The following PTPRD variants were observed in gnomAD, a reference collection of about 807,000 sequenced individuals.
PTPRD encodes the protein receptor-type tyrosine-protein phosphatase delta.
Under a neutral mutation model 214.5 loss-of-function variants are expected in PTPRD, and 34 were observed. The ratio of observed to expected loss-of-function variants is 0.16; its 90% CI spans 0.12 to 0.21. The LOEUF is 0.21. Among genes scored for constraint, PTPRD ranks in the 10% least tolerant of loss-of-function variants. The probability of loss-of-function intolerance (pLI) is 1.00; values close to 1 mark genes in which losing one functional copy is unlikely to be tolerated. For synonymous variants in PTPRD, 1,128 were observed against 845.7 expected (o/e 1.33, Z -5.79); for missense variants, 2,545 against 2,398.7 (o/e 1.06, Z -1.27).
chr9:9,992,800 G>A (rs1242159741), intron 4 of PTPRD, among the ~76,000 whole-genome samples: 2 of 151,836 alleles, frequency 1.3e-5, no homozygotes, highest in Admixed American at 1.3e-4. Flanking sequence ...GGGCCTGCTG[G>A]GGGATGGGGA....
chr9:9,134,039 T>C (rs1262071363), intron 10 of PTPRD, among the ~76,000 whole-genome samples: 1 of 150,866 alleles, frequency 6.6e-6, no homozygotes, highest in Non-Finnish European at 1.5e-5. Flanking sequence ...CAGTTTCCAA[T>C]AGTTCATATA....
At chr9:8,429,747 A>C (rs1308678321) in intron 35 of PTPRD, among the ~76,000 whole-genome samples, 1 of 152,212 alleles carries the variant, frequency 6.6e-6, no homozygotes, top group African/African-American at 2.4e-5. Context: ...GAGACAGTCC[A>C]CATCCAGAGA....
At chr9:10,537,902 C>G (rs926195533) in intron 2 of PTPRD, among the ~76,000 whole-genome samples, 3 of 152,060 alleles carry the variant, frequency 2.0e-5, no homozygotes, top group African/African-American at 7.2e-5. Flanking sequence ...GTTAAGAATG[C>G]AGATTCTCAG....
At chr9:9,642,948 A>C (rs1442004312) in intron 7 of PTPRD, among the ~76,000 whole-genome samples, 1 of 152,222 alleles carries the variant, frequency 6.6e-6, no homozygotes, top group African/African-American at 2.4e-5. Flanking sequence ...AAAGTTCTTT[A>C]AACAGAATAC....
intron 5 of PTPRD, among the ~76,000 whole-genome samples, chr9:9,878,891 C>T (rs180773104): frequency 2.8e-4 from 42 of 152,252 alleles, no homozygotes; most frequent in Non-Finnish European, 4.6e-4. Flanking sequence ...CACAATCAAA[C>T]ATCAGCTATT....
intron 3 of PTPRD, among the ~76,000 whole-genome samples, chr9:10,245,390 T>C (rs2091911922): frequency 6.6e-6 from 1 of 152,184 alleles, no homozygotes; most frequent in Admixed American, 6.6e-5. Flanking sequence ...CACCATTTTA[T>C]CTATGATTTC....
intron 2 of PTPRD, among the ~76,000 whole-genome samples, chr9:10,510,607 G>A (rs529354778): frequency 1.2e-4 from 18 of 152,038 alleles, no homozygotes; most frequent in African/African-American, 4.3e-4. Flanking sequence ...ACACATTTAT[G>A]GAGTACACAT....
At chr9:9,848,355 G>C (rs930883754) in intron 5 of PTPRD, among the ~76,000 whole-genome samples, 1 of 152,082 alleles carries the variant, frequency 6.6e-6, no homozygotes, top group South Asian at 2.1e-4. Flanking sequence ...GCTTCCTGAG[G>C]GCCAGAAATG....
At chr9:10,472,791 T>C (rs960438046) in intron 2 of PTPRD, among the ~76,000 whole-genome samples, 1 of 152,028 alleles carries the variant, frequency 6.6e-6, no homozygotes, top group African/African-American at 2.4e-5. Flanking sequence ...ATATCTGATA[T>C]AGCAAACCTA....
chr9:9,668,082 A>T (rs1443375169), intron 7 of PTPRD, among the ~76,000 whole-genome samples: 9 of 152,126 alleles, frequency 5.9e-5, no homozygotes, highest in South Asian at 4.1e-4. Context: ...CCCAAACTCA[A>T]CTGATGGTTT....
At chr9:9,300,498 C>G (rs549772695) in intron 9 of PTPRD, among the ~76,000 whole-genome samples, 1 of 151,668 alleles carries the variant, frequency 6.6e-6, no homozygotes, top group African/African-American at 2.4e-5. Context: ...TGTTTGTGTT[C>G]CCCCCAAATT....
chr9:9,932,861 A>G (rs1287435079), intron 5 of PTPRD, among the ~76,000 whole-genome samples: 1 of 130,826 alleles, frequency 7.6e-6, no homozygotes, highest in African/African-American at 2.8e-5. Flanking sequence ...GAAGCCCATC[A>G]GACTAACAGC....
At chr9:10,319,783 G>C (rs12001710) in intron 3 of PTPRD, among the ~76,000 whole-genome samples, 3 of 151,902 alleles carry the variant, frequency 2.0e-5, no homozygotes, top group African/African-American at 7.2e-5. Context: ...GAGAGATCAC[G>C]AGAGACAGCT....
intron 11 of PTPRD, among the ~76,000 whole-genome samples, chr9:8,905,235 G>T (rs1310837541): frequency 6.6e-6 from 1 of 151,930 alleles, no homozygotes; most frequent in East Asian, 1.9e-4. Context: ...ATTCTGTGAT[G>T]ATTTTAATTT....
chr9:8,429,226 G>C (rs1408231851), intron 35 of PTPRD, among the ~76,000 whole-genome samples: 3 of 151,576 alleles, frequency 2.0e-5, no homozygotes, highest in Admixed American at 2.0e-4. Flanking sequence ...AAACATTTAA[G>C]TGTTTATATC....
intron 3 of PTPRD, among the ~76,000 whole-genome samples, chr9:10,299,005 CACT>C (rs1485982028): frequency 6.6e-6 from 1 of 152,060 alleles, no homozygotes; most frequent in Non-Finnish European, 1.5e-5. Flanking sequence ...ACCTCACTGT[CACT>C]ACATTATTAA....
chr9:8,333,278 T>G (rs1165093500), intron 43 of PTPRD, among the ~76,000 whole-genome samples: 1 of 152,176 alleles, frequency 6.6e-6, no homozygotes, highest in African/African-American at 2.4e-5. Flanking sequence ...TACAGATTTA[T>G]TCTCCTCTGA....
intron 10 of PTPRD, among the ~76,000 whole-genome samples, chr9:9,158,042 G>A (rs180747996): frequency 4.2e-4 from 64 of 152,226 alleles, no homozygotes; most frequent in South Asian, 1.2e-3. Context: ...TGCAAAGGAC[G>A]TGATCTCGTT....
chr9:8,334,944 TCCCAAGACTA>T (rs1416515579), intron 43 of PTPRD, among the ~76,000 whole-genome samples: 1 of 149,168 alleles, frequency 6.7e-6, no homozygotes, highest in East Asian at 2.0e-4. Flanking sequence ...ACGTACACCC[TCCCAAGACTA>T]AACCAGGAAG....
Sources: gnomAD v4.1 joint callset for allele counts (sites outside exome capture counted in the v4.1 genomes callset) on GRCh38, gnomAD v4.1.1 for gene constraint, MANE v1.5 for transcripts, NCBI Gene and HGNC (gene_info 2026-07-23, HGNC 2026-07-21) for gene names.